Variants in SH3BP4 observed in about 807,000 individuals in gnomAD.
SH3BP4 encodes the protein SH3 domain-binding protein 4.
A neutral mutation model predicts 65.5 loss-of-function variants in SH3BP4; 33 were observed. The observed-to-expected ratio is 0.50, with a 90% confidence interval of 0.38 to 0.67. SH3BP4 has a LOEUF of 0.67. Ranked by LOEUF, SH3BP4 falls within the 30% of genes least tolerant of loss-of-function variation. SH3BP4 has a pLI of 0.00. For missense variants in SH3BP4, 1,134 were observed against 1,261.4 expected (o/e 0.90, Z 1.53); for synonymous variants, 552 against 545.5 (o/e 1.01, Z -0.17).
chr2:234,963,622 G>A (rs952889957), intron 1 of SH3BP4, among the ~76,000 whole-genome samples: 2 of 152,222 alleles, frequency 1.3e-5, no homozygotes, highest in African/African-American at 4.8e-5. Context: ...AGCTTCAGAA[G>A]CATTAACATC....
At chr2:235,016,786 G>A (rs1393427434) in intron 2 of SH3BP4, among the ~76,000 whole-genome samples, 1 of 152,176 alleles carries the variant, frequency 6.6e-6, no homozygotes, top group East Asian at 1.9e-4. Flanking sequence ...TGGGATAACA[G>A]GTGTGAGCCA....
rs887005283 is a variant in SH3BP4 at position 235,026,359 on chromosome 2, C to T, written c.-132-8512C>T. Among the ~76,000 whole-genome samples, 8 of 152,114 alleles carry T rather than the reference C, an allele frequency of 5.3e-5. No individual in the cohort carries two copies. Among genetic ancestry groups the T allele is most frequent in the Non-Finnish European group, 1.2e-4 (8 of 68,036 alleles). ...TGAGCAAGCAAGGAACACCTAGTGA[C>T]GACTCATGGCCCTTGTTTTCCCCGC... is the stretch of plus-strand genomic sequence containing the variant. On this transcript the variant is annotated intron_variant, in intron 2 of 5. Transcript: ENST00000392011. This position sits in a 1 kb window ranked among gnomAD's most constrained non-coding sequence, Gnocchi z 4.6.
chr2:234,979,511 T>C (rs1409541125), intron 1 of SH3BP4: 2 of 152,262 alleles, frequency 1.3e-5, no homozygotes, highest in African/African-American at 4.8e-5. Flanking sequence ...GATCCACACC[T>C]CCTGGTGTTC....
intron 1 of SH3BP4, among the ~76,000 whole-genome samples, chr2:234,961,767 C>T (rs781422176): frequency 1.3e-5 from 2 of 151,192 alleles, no homozygotes; most frequent in Non-Finnish European, 2.9e-5. Context: ...TTAAAAAGCT[C>T]GTAGGTGTGG....
intron 1 of SH3BP4, among the ~76,000 whole-genome samples, chr2:234,972,121 TTTTTTGTTTTTTG>T: frequency 6.9e-6 from 1 of 145,904 alleles, no homozygotes; most frequent in Admixed American, 6.8e-5. Context: ...GGCCTTTTTT[TTTTTTGTTTTTTG>T]TTTTTTTTTT....
At chr2:234,983,761 C>T (rs1408061727) in intron 1 of SH3BP4, among the ~76,000 whole-genome samples, 3 of 152,142 alleles carry the variant, frequency 2.0e-5, no homozygotes, top group Admixed American at 6.5e-5. Context: ...ACTGGAGTCC[C>T]GAGCTTTGAA....
At chr2:234,966,492 T>G (rs541542677) in intron 1 of SH3BP4, among the ~76,000 whole-genome samples, 36 of 152,254 alleles carry the variant, frequency 2.4e-4, no homozygotes, top group African/African-American at 7.2e-4. Context: ...CTCAGTGGAG[T>G]AAATGGTTTT....
In SH3BP4 at chr2:235,034,449, C is replaced by T. The variant is rs1051437807; in HGVS notation, c.-132-422C>T. ...CGAGTCACCATGATGACTGCCCCTG[C>T]GCTGGGATCAGCCACTCTGAACAAG... On this transcript the variant is annotated intron_variant, in intron 2 of 5. Transcript: ENST00000392011. This position sits in a 1 kb window ranked among gnomAD's most constrained non-coding sequence, Gnocchi z 6.2. 2.6e-5 allele frequency among the ~76,000 whole-genome samples: 4 copies of T among 152,136 alleles called. No homozygotes were observed. Among genetic ancestry groups the T allele is most frequent in the African/African-American group, 7.2e-5 (3 of 41,434 alleles).
chr2:234,998,879 G>T (rs2106280092), intron 2 of SH3BP4, among the ~76,000 whole-genome samples: 1 of 152,334 alleles, frequency 6.6e-6, no homozygotes, highest in Non-Finnish European at 1.5e-5. Context: ...GACCAGGTCT[G>T]CTTGGACTGT....
chr2:234,964,992 G>A (rs1692804235), intron 1 of SH3BP4, among the ~76,000 whole-genome samples: 1 of 152,106 alleles, frequency 6.6e-6, no homozygotes, highest in East Asian at 1.9e-4. Flanking sequence ...CGGTCTCCCA[G>A]CCCAGTGCTC....
At chr2:235,010,234 T>C (rs1181095157) in intron 2 of SH3BP4, among the ~76,000 whole-genome samples, 2 of 152,172 alleles carry the variant, frequency 1.3e-5, no homozygotes, top group East Asian at 3.9e-4. Flanking sequence ...GATGGGTGTT[T>C]CTGTGAGCCC....
At chr2:234,962,027 C>T (rs1027472872) in intron 1 of SH3BP4, among the ~76,000 whole-genome samples, 1 of 152,168 alleles carries the variant, frequency 6.6e-6, no homozygotes, top group African/African-American at 2.4e-5. Flanking sequence ...GAGGTCTTTA[C>T]CTGCCCTGAC....
intron 2 of SH3BP4, among the ~76,000 whole-genome samples, chr2:235,011,552 G>C (rs763649272): frequency 6.6e-6 from 1 of 152,196 alleles, no homozygotes; most frequent in Admixed American, 6.5e-5. Context: ...AGTGGCTCTC[G>C]CTGTCTTCCC....
intron 2 of SH3BP4, among the ~76,000 whole-genome samples, chr2:235,016,761 G>A (rs930661855): frequency 1.3e-5 from 2 of 152,126 alleles, no homozygotes; most frequent in African/African-American, 4.8e-5. Context: ...CACCCACCTC[G>A]GCCTCCCGAA....
At chr2:235,013,712 C>G (rs1005968202) in intron 2 of SH3BP4, among the ~76,000 whole-genome samples, 23 of 152,158 alleles carry the variant, frequency 1.5e-4, no homozygotes, top group African/African-American at 5.6e-4. Flanking sequence ...AGCCTCTCCC[C>G]CCATTTTCTA....
At chr2:234,988,276 G>C (rs373196343) in intron 1 of SH3BP4, among the ~76,000 whole-genome samples, 9 of 152,212 alleles carry the variant, frequency 5.9e-5, no homozygotes, top group African/African-American at 2.2e-4. Context: ...AGCCAGGATA[G>C]TCTTGATCTC....
chr2:235,001,905 G>A (rs1694112135), intron 2 of SH3BP4, among the ~76,000 whole-genome samples: 1 of 152,170 alleles, frequency 6.6e-6, no homozygotes, highest in Non-Finnish European at 1.5e-5. Context: ...CTGTTGTCCA[G>A]GCTGGAGTGC....
intron 2 of SH3BP4, among the ~76,000 whole-genome samples, chr2:235,006,345 A>C (rs1179543967): frequency 6.6e-6 from 1 of 152,190 alleles, no homozygotes; most frequent in Non-Finnish European, 1.5e-5. Context: ...TATCATACGC[A>C]TCATGGGTTT....
At position 234,974,543 on chromosome 2, in the gene SH3BP4, C is replaced by A. The variant is rs1693111481; in HGVS notation, c.-206-20760C>A. ...CCCACCACAGGATGTGCTGAGTCCA[C>A]TTGGAAGCCCAGAAAAAGCTTCTGT... On this transcript the variant is annotated intron_variant, in intron 1 of 5. Transcript: ENST00000392011. The surrounding 1 kb of genome is among the most constrained non-coding windows in gnomAD (Gnocchi z 4.6). 6.6e-6 allele frequency among the ~76,000 whole-genome samples: 1 copy of A among 152,170 alleles called. No homozygotes were observed. The highest frequency in any genetic ancestry group is 2.4e-5 in the African/African-American group (1 of 41,436).
Sources: gnomAD v4.1 joint callset for allele counts (sites outside exome capture counted in the v4.1 genomes callset) on GRCh38, gnomAD v4.1.1 for gene constraint, Gnocchi (gnomAD v3.1) non-coding constraint, MANE v1.5 for transcripts, NCBI Gene and HGNC (gene_info 2026-07-23, HGNC 2026-07-21) for gene names.